ATE1: variants seen among roughly 807,000 people sequenced by gnomAD.
ATE1 encodes arginyltransferase 1.
In ATE1, 36 loss-of-function variants were observed where a neutral mutation model predicts 70.5. That is an observed-to-expected ratio of 0.51 (90% CI 0.39 to 0.67). The LOEUF (loss-of-function observed/expected upper bound fraction) is 0.67. Ranked by LOEUF, ATE1 falls within the 30% of genes least tolerant of loss-of-function variation. The probability of loss-of-function intolerance (pLI) is 0.00; values close to 1 mark genes in which losing one functional copy is unlikely to be tolerated. For synonymous variants in ATE1, 232 were observed against 219.3 expected, an observed-to-expected ratio of 1.06 and a Z score of -0.51; for missense variants, 593 against 629.5, an observed-to-expected ratio of 0.94 and a Z score of 0.62.
intron 7 of ATE1, among the ~76,000 whole-genome samples, chr10:121,871,068 T>C (rs866826486): frequency 5.3e-5 from 8 of 152,340 alleles, no homozygotes; most frequent in East Asian, 1.9e-4. Flanking sequence ...GAGTTACACA[T>C]TGAAATATTT....
intron 1 of ATE1, among the ~76,000 whole-genome samples, chr10:121,926,261 C>T (rs1186305865): frequency 6.6e-6 from 1 of 152,112 alleles, no homozygotes. Context: ...CAGTAAATCA[C>T]ATCAGAGATA....
At chr10:121,883,975 G>A (rs1325974169) in intron 7 of ATE1, among the ~76,000 whole-genome samples, 1 of 151,584 alleles carries the variant, frequency 6.6e-6, no homozygotes, top group Non-Finnish European at 1.5e-5. Context: ...CGGTAGTGGC[G>A]AGCACCTGTA....
chr10:121,887,028 C>T (rs1173353985), intron 7 of ATE1, among the ~76,000 whole-genome samples: 1 of 152,116 alleles, frequency 6.6e-6, no homozygotes, highest in Admixed American at 6.5e-5. Flanking sequence ...CTTTAACAAG[C>T]AAAGAATCAC....
At chr10:121,852,741 G>A (rs1949101723) in intron 8 of ATE1, among the ~76,000 whole-genome samples, 1 of 152,020 alleles carries the variant, frequency 6.6e-6, no homozygotes, top group East Asian at 1.9e-4. Flanking sequence ...GAAACACAAA[G>A]ATGTGCTAAG....
At chr10:121,860,904 C>G (rs895657872) in intron 8 of ATE1, among the ~76,000 whole-genome samples, 3 of 152,122 alleles carry the variant, frequency 2.0e-5, no homozygotes, top group Non-Finnish European at 4.4e-5. Context: ...TACTTAACGT[C>G]GTCAGTTCAA....
chr10:121,836,883 TA>T, intron 9 of ATE1, 66 bp from the exon 10 acceptor site: 2 of 978,060 alleles, frequency 2.0e-6, no homozygotes, highest in Non-Finnish European at 3.2e-6. Context: ...AATATCTGTG[TA>T]ATTTGATGGT....
chr10:121,749,666 C>T (rs1042044293), intron 11 of ATE1, among the ~76,000 whole-genome samples: 1 of 152,066 alleles, frequency 6.6e-6, no homozygotes, highest in African/African-American at 2.4e-5. Context: ...AAAGTAATGC[C>T]TGTTGTAAAA....
At chr10:121,759,614 C>G (rs1590223998) in intron 11 of ATE1, among the ~76,000 whole-genome samples, 2 of 151,142 alleles carry the variant, frequency 1.3e-5, no homozygotes, top group Non-Finnish European at 2.9e-5. Context: ...GTCCCAGCTA[C>G]TTGGGAGGCT....
chr10:121,758,295 T>A (rs1001981507), intron 11 of ATE1, among the ~76,000 whole-genome samples: 1 of 152,250 alleles, frequency 6.6e-6, no homozygotes, highest in African/African-American at 2.4e-5. Context: ...TGATGGTAAA[T>A]GGACAGGCGA....
At chr10:121,752,716 G>A (rs374611718) in intron 11 of ATE1, among the ~76,000 whole-genome samples, 7 of 152,128 alleles carry the variant, frequency 4.6e-5, no homozygotes, top group African/African-American at 1.7e-4. Flanking sequence ...ATAAACATGA[G>A]GGTTTATTTC....
At chr10:121,928,193 G>A (rs1379363476), upstream of ATE1, 1 of 1,314,236 alleles carries the variant, frequency 7.6e-7, no homozygotes. Flanking sequence ...GTCAGTGAGG[G>A]TGAGGCGGAG....
chr10:121,785,896 T>C (rs2133229364), intron 11 of ATE1, among the ~76,000 whole-genome samples: 1 of 152,326 alleles, frequency 6.6e-6, no homozygotes, highest in Non-Finnish European at 1.5e-5. Flanking sequence ...TTTCAATGTA[T>C]AGAACAGAAT....
chr10:121,744,772 G>A (rs959637810), intron 11 of ATE1, among the ~76,000 whole-genome samples: 4 of 152,314 alleles, frequency 2.6e-5, no homozygotes, highest in Non-Finnish European at 4.4e-5. Flanking sequence ...AGGTCACCCA[G>A]ACAAAAGCCT....
chr10:121,880,959 C>A (rs1276032057), intron 7 of ATE1, among the ~76,000 whole-genome samples: 2 of 152,178 alleles, frequency 1.3e-5, no homozygotes, highest in Non-Finnish European at 2.9e-5. Context: ...AAAGTTGTTT[C>A]TATCACATGA....
At chr10:121,878,385 G>A (rs1018308351) in intron 7 of ATE1, among the ~76,000 whole-genome samples, 1 of 152,048 alleles carries the variant, frequency 6.6e-6, no homozygotes, top group African/African-American at 2.4e-5. Flanking sequence ...TTGAGGCCAG[G>A]AGTTCGAGAC....
At chr10:121,899,119 G>T in intron 7 of ATE1, 1 of 808,312 alleles carries the variant, frequency 1.2e-6, no homozygotes, top group Admixed American at 3.1e-5. Context: ...GAGGCAGACG[G>T]GTGCAGAGAC....
chr10:121,829,366 G>A (rs1948144815), intron 10 of ATE1, among the ~76,000 whole-genome samples: 1 of 152,054 alleles, frequency 6.6e-6, no homozygotes, highest in African/African-American at 2.4e-5. Flanking sequence ...AGAGGTTGCA[G>A]TGAGCAGAGA....
Position 121,902,732 on chromosome 10 carries a change from G to A in ATE1, c.584-112C>T, listed in dbSNP as rs1951031434. 8.4e-6 allele frequency: 9 copies of A among 1,077,298 alleles called. No homozygotes were observed. In the South Asian group the frequency reaches 1.4e-4, roughly 16 times the overall value. The allele number at this position is 1,077,298 out of a possible 1,614,324, so 66.7% of individuals were successfully genotyped here. A position where few individuals can be genotyped will look rare whatever the true frequency, so the allele number is the denominator to read the frequency against. On this transcript the variant is annotated intron_variant, in intron 5 of 11. Transcript: ENST00000224652. ...CCAAAGAGTTTCAATGGTTAGGCTA[G>A]CTTTGGGGTAGATGTTTCAGAGGAT...
intron 5 of ATE1, among the ~76,000 whole-genome samples, chr10:121,907,864 C>T (rs1005813613): frequency 6.6e-6 from 1 of 151,314 alleles, no homozygotes; most frequent in Non-Finnish European, 1.5e-5. Context: ...CCAACGAAGC[C>T]TAGAAAACAA....
Sources: allele counts gnomAD v4.1 joint callset (sites outside exome capture counted in the v4.1 genomes callset), GRCh38; gene constraint gnomAD v4.1.1; transcripts MANE v1.5; gene names NCBI Gene and HGNC (gene_info 2026-07-23, HGNC 2026-07-21).